ANO3: variants seen among roughly 807,000 people sequenced by gnomAD.
The protein encoded by ANO3 is anoctamin 3.
A neutral mutation model predicts 144.8 loss-of-function variants in ANO3; 99 were observed. That is an observed-to-expected ratio of 0.68 (90% CI 0.58 to 0.81). The LOEUF is 0.81. ANO3 is among the 30% of genes least tolerant of loss of function. The probability of loss-of-function intolerance (pLI) is 0.00; values close to 1 mark genes in which losing one functional copy is unlikely to be tolerated. For missense variants in ANO3, 905 were observed against 1,202.2 expected, an observed-to-expected ratio of 0.75 and a Z score of 3.66; for synonymous variants, 414 against 392.6, an observed-to-expected ratio of 1.05 and a Z score of -0.64.
At chr11:26,237,838 C>T (rs1347065278) in intron 1 of ANO3, among the ~76,000 whole-genome samples, 3 of 152,032 alleles carry the variant, frequency 2.0e-5, no homozygotes, top group Non-Finnish European at 4.4e-5. Flanking sequence ...TTTTGCATAT[C>T]ACAAGAGTTT....
chr11:26,204,138 C>T (rs1241490360), intron 1 of ANO3, among the ~76,000 whole-genome samples: 2 of 151,966 alleles, frequency 1.3e-5, no homozygotes, highest in African/African-American at 4.8e-5. Flanking sequence ...ACCTCTACAC[C>T]CCCTCTGGGG....
chr11:26,211,621 A>T (rs1413270521), intron 1 of ANO3, among the ~76,000 whole-genome samples: 1 of 152,072 alleles, frequency 6.6e-6, no homozygotes, highest in Non-Finnish European at 1.5e-5. Context: ...TGGGCGTGTA[A>T]ATTAGTTCAA....
chr11:26,620,005 T>C (rs931005152), intron 17 of ANO3, among the ~76,000 whole-genome samples: 6 of 152,190 alleles, frequency 3.9e-5, no homozygotes, highest in African/African-American at 1.4e-4. Flanking sequence ...AAAACATCAA[T>C]GTATTATTTT....
chr11:26,262,092 T>G (rs1853203271), intron 1 of ANO3, among the ~76,000 whole-genome samples: 1 of 152,234 alleles, frequency 6.6e-6, no homozygotes, highest in African/African-American at 2.4e-5. Flanking sequence ...AGCCTATTCT[T>G]GCTTGAAATA....
intron 1 of ANO3, among the ~76,000 whole-genome samples, chr11:26,430,929 C>T (rs1050009847): frequency 1.8e-4 from 27 of 152,128 alleles, no homozygotes; most frequent in African/African-American, 6.3e-4. Flanking sequence ...CAGATTTGTT[C>T]ATAGGAGAAT....
chr11:26,608,857 A>G (rs1286258594), intron 17 of ANO3, among the ~76,000 whole-genome samples: 1 of 152,146 alleles, frequency 6.6e-6, no homozygotes, highest in African/African-American at 2.4e-5. Context: ...TCCCCTGCCC[A>G]GGTAGCTTAG....
intron 3 of ANO3, among the ~76,000 whole-genome samples, chr11:26,448,425 A>G (rs368816399): frequency 1.1e-4 from 16 of 152,336 alleles, no homozygotes; most frequent in East Asian, 9.6e-4. Context: ...ATGTTATAAA[A>G]TGACTTCCTC....
At chr11:26,494,339 C>T (rs911926180) in intron 4 of ANO3, among the ~76,000 whole-genome samples, 1 of 152,090 alleles carries the variant, frequency 6.6e-6, no homozygotes, top group Non-Finnish European at 1.5e-5. Context: ...AAGTCTGGCA[C>T]TCTTGCTAGC....
intron 1 of ANO3, among the ~76,000 whole-genome samples, chr11:26,273,046 T>G (rs893230712): frequency 6.6e-6 from 1 of 152,094 alleles, no homozygotes; most frequent in Non-Finnish European, 1.5e-5. Context: ...ATGAAATACC[T>G]ATAAATATAA....
intron 4 of ANO3, among the ~76,000 whole-genome samples, chr11:26,494,626 A>C (rs552723589): frequency 1.3e-5 from 2 of 152,210 alleles, no homozygotes; most frequent in African/African-American, 2.4e-5. Context: ...TCAGTTTGCT[A>C]TAGGAATTTC....
At chr11:26,364,770 T>C (rs952969949) in intron 1 of ANO3, among the ~76,000 whole-genome samples, 1 of 152,164 alleles carries the variant, frequency 6.6e-6, no homozygotes, top group Non-Finnish European at 1.5e-5. Flanking sequence ...TCCTACCAGG[T>C]CCCACCTCTA....
chr11:26,280,265 C>G (rs192476567), intron 1 of ANO3, among the ~76,000 whole-genome samples: 29 of 152,146 alleles, frequency 1.9e-4, no homozygotes, highest in Admixed American at 1.6e-3. Flanking sequence ...TCACATCTAC[C>G]CCGCTAGCCT....
chr11:26,410,100 G>T (rs1857391805), intron 1 of ANO3, among the ~76,000 whole-genome samples: 1 of 151,944 alleles, frequency 6.6e-6, no homozygotes, highest in Non-Finnish European at 1.5e-5. Flanking sequence ...GTAGTATTCA[G>T]TATTCAGGTA....
At chr11:26,639,112 AAT>A in intron 20 of ANO3, 30 bp from the exon 21 acceptor site, 5 of 1,455,890 alleles carry the variant, frequency 3.4e-6, no homozygotes, top group Non-Finnish European at 4.8e-6. Context: ...GAAGAAGACC[AAT>A]ATCATTATTG....
At chr11:26,322,395 T>C (rs970195682) in intron 1 of ANO3, among the ~76,000 whole-genome samples, 2 of 152,112 alleles carry the variant, frequency 1.3e-5, no homozygotes, top group African/African-American at 4.8e-5. Flanking sequence ...GCCTATAGTT[T>C]ATTCATATTT....
intron 1 of ANO3, among the ~76,000 whole-genome samples, chr11:26,281,088 G>C (rs147018640): frequency 6.6e-6 from 1 of 152,010 alleles, no homozygotes; most frequent in African/African-American, 2.4e-5. Flanking sequence ...TTTTCATATA[G>C]TGTCTCACTT....
intron 1 of ANO3, among the ~76,000 whole-genome samples, chr11:26,200,687 A>G (rs1468674436): frequency 1.3e-5 from 2 of 152,152 alleles, no homozygotes; most frequent in Non-Finnish European, 2.9e-5. Context: ...CAAACAAAAT[A>G]TTACATGTAT....
At position 26,631,366 on chromosome 11, in the gene ANO3, T is replaced by C. The variant is rs142542020; in HGVS notation, c.1874-2838T>C. Among the ~76,000 whole-genome samples, 1,404 of 152,168 alleles carry C rather than the reference T, an allele frequency of 9.2e-3. 23 individuals are homozygous for C. Among genetic ancestry groups the C allele is most frequent in the African/African-American group, 0.032 (1,341 of 41,554 alleles). On this transcript the variant is annotated intron_variant, in intron 18 of 26. Transcript: ENST00000256737. The stretch of plus-strand genomic sequence containing the variant: ...TGAAGGAAAAACTAAAATATTTTCT[T>C]CTATATAAGGCAATATTTATACATT...
chr11:26,626,466 A>G (rs1228851604), intron 18 of ANO3, among the ~76,000 whole-genome samples: 1 of 152,202 alleles, frequency 6.6e-6, no homozygotes, highest in Non-Finnish European at 1.5e-5. Context: ...ATTGAGTATA[A>G]TTGGCCAAGA....
Sources: gnomAD v4.1 joint callset for allele counts (sites outside exome capture counted in the v4.1 genomes callset) on GRCh38, gnomAD v4.1.1 for gene constraint, MANE v1.5 for transcripts, NCBI Gene and HGNC (gene_info 2026-07-23, HGNC 2026-07-21) for gene names.